The following RASGRF2 variants were observed in gnomAD, a reference collection of about 807,000 sequenced individuals.
The protein encoded by RASGRF2 is ras-specific guanine nucleotide-releasing factor 2.
A neutral mutation model predicts 151.0 loss-of-function variants in RASGRF2; 76 were observed. The observed-to-expected ratio is 0.50, with a 90% CI of 0.42 to 0.61. The LOEUF is 0.61. Ranked by LOEUF, RASGRF2 falls within the 20% of genes least tolerant of loss-of-function variation. The pLI, the probability that RASGRF2 is intolerant of heterozygous loss-of-function variation, is 0.00. For missense variants in RASGRF2, 1,148 were observed against 1,564.6 expected (o/e 0.73, Z 4.49); for synonymous variants, 504 against 566.5 (o/e 0.89, Z 1.57).
chr5:81,103,153 A>G (rs1281848716), intron 12 of RASGRF2, among the ~76,000 whole-genome samples: 3 of 152,174 alleles, frequency 2.0e-5, no homozygotes, highest in African/African-American at 7.2e-5. Flanking sequence ...ACTAGAAACT[A>G]CAGGACCACA....
chr5:81,109,557 T>C (rs886827320), intron 13 of RASGRF2, among the ~76,000 whole-genome samples: 6 of 152,082 alleles, frequency 3.9e-5, no homozygotes, highest in Admixed American at 3.3e-4. Flanking sequence ...TCCCAGCTAC[T>C]CGGGAGGCTG....
At chr5:81,049,311 T>C (rs1180409201) in intron 2 of RASGRF2, among the ~76,000 whole-genome samples, 1 of 152,190 alleles carries the variant, frequency 6.6e-6, no homozygotes, top group African/African-American at 2.4e-5. Context: ...TTTTTCTGTA[T>C]ATTTGCATAT....
chr5:81,098,671 A>G (rs1370343898), intron 12 of RASGRF2, among the ~76,000 whole-genome samples: 1 of 152,106 alleles, frequency 6.6e-6, no homozygotes, highest in Non-Finnish European at 1.5e-5. Context: ...ATACTTAGTG[A>G]TTTTGCTGCT....
In RASGRF2 at chr5:81,102,923, A is replaced by G. The variant is rs149958961; in HGVS notation, c.1756-6073A>G. On this transcript the variant is annotated intron_variant, in intron 12 of 26. Transcript: ENST00000265080. The stretch of plus-strand genomic sequence containing the variant: ...TAAAAATTACAAATCTTGTGAGTAA[A>G]TTATGTATCATGAGTGAGACTCAGC... Among the ~76,000 whole-genome samples the G allele has an allele frequency of 4.6e-4, 70 of 152,184 alleles. 1 individual carries two copies. The highest frequency in any genetic ancestry group is 3.3e-4 in the Admixed American group (5 of 15,274).
chr5:81,099,313 C>T (rs1752631122), intron 12 of RASGRF2, among the ~76,000 whole-genome samples: 1 of 152,184 alleles, frequency 6.6e-6, no homozygotes, highest in Admixed American at 6.5e-5. Context: ...TATTATTCAG[C>T]TGCATTATAT....
intron 17 of RASGRF2, among the ~76,000 whole-genome samples, chr5:81,142,964 C>T (rs1213306036): frequency 6.6e-6 from 1 of 151,884 alleles, no homozygotes; most frequent in African/African-American, 2.4e-5. Flanking sequence ...CAGGATGTGG[C>T]CTCCAGTGCA....
At chr5:81,069,717 C>A (rs1179169230) in intron 3 of RASGRF2, among the ~76,000 whole-genome samples, 3 of 152,116 alleles carry the variant, frequency 2.0e-5, no homozygotes, top group Admixed American at 1.3e-4. Context: ...GTACTGGGGA[C>A]AAAATAGAAA....
chr5:81,075,838 A>G (rs1177677130), intron 5 of RASGRF2, among the ~76,000 whole-genome samples: 1 of 152,228 alleles, frequency 6.6e-6, no homozygotes, highest in Non-Finnish European at 1.5e-5. Context: ...GTCCTCTAGC[A>G]TACAGATAGT....
chr5:81,087,371 G>A (rs568875679), intron 9 of RASGRF2: 1 of 701,774 alleles, frequency 1.4e-6, no homozygotes, highest in African/African-American at 1.7e-5. Context: ...AGTGAAAACA[G>A]CTGTCTGTTG....
At chr5:81,080,521 C>A in intron 6 of RASGRF2, 75 bp from the exon 7 acceptor site, 1 of 1,436,248 alleles carries the variant, frequency 7.0e-7, no homozygotes, top group Non-Finnish European at 9.6e-7. Context: ...GGGACCCACT[C>A]TTTGCCATTC....
intron 17 of RASGRF2, among the ~76,000 whole-genome samples, chr5:81,141,928 T>C (rs761075865): frequency 8.5e-5 from 13 of 152,212 alleles, no homozygotes; most frequent in Non-Finnish European, 1.8e-4. Context: ...TGCAGTGAGA[T>C]ATTGATTACT....
chr5:81,168,303 T>C (rs893421053), intron 17 of RASGRF2, among the ~76,000 whole-genome samples: 1 of 108,044 alleles, frequency 9.3e-6, no homozygotes, highest in East Asian at 2.8e-4. Context: ...TCTTTTTTTT[T>C]CTTCTCTTTT....
intron 18 of RASGRF2, among the ~76,000 whole-genome samples, chr5:81,193,756 G>T (rs1755200723): frequency 6.6e-6 from 1 of 152,156 alleles, no homozygotes; most frequent in African/African-American, 2.4e-5. Context: ...ACCTCAGGTA[G>T]ATTCACCCGC....
chr5:81,113,463 C>G, intron 14 of RASGRF2, 75 bp from the exon 15 acceptor site: 1 of 1,449,376 alleles, frequency 6.9e-7, no homozygotes, highest in Admixed American at 1.9e-5. Context: ...ATGAAGGGAA[C>G]ATGTTCTTGA....
chr5:80,961,229 C>T (rs575459092), intron 1 of RASGRF2, among the ~76,000 whole-genome samples: 2 of 152,352 alleles, frequency 1.3e-5, no homozygotes, highest in South Asian at 4.1e-4. Flanking sequence ...CCCCTCCACC[C>T]CACTGCCAAG....
chr5:81,091,423 C>T (rs1752384941), intron 9 of RASGRF2, among the ~76,000 whole-genome samples: 1 of 152,088 alleles, frequency 6.6e-6, no homozygotes, highest in South Asian at 2.1e-4. Context: ...CCATTGTTCC[C>T]CAATCCCACA....
chr5:81,023,484 A>G (rs951988124), intron 1 of RASGRF2, among the ~76,000 whole-genome samples: 1 of 152,188 alleles, frequency 6.6e-6, no homozygotes, highest in African/African-American at 2.4e-5. Flanking sequence ...CTGAGTTCTT[A>G]TCAGAGTGAG....
intron 17 of RASGRF2, among the ~76,000 whole-genome samples, chr5:81,132,175 A>G (rs1753639766): frequency 2.0e-5 from 3 of 152,152 alleles, no homozygotes; most frequent in African/African-American, 4.8e-5. Context: ...AGAGATTTTT[A>G]TCTATTTTAT....
At chr5:80,977,541 C>T (rs915009735) in intron 1 of RASGRF2, among the ~76,000 whole-genome samples, 1 of 152,062 alleles carries the variant, frequency 6.6e-6, no homozygotes, top group Non-Finnish European at 1.5e-5. Flanking sequence ...CAGCTCACTG[C>T]GACCTCCATC....
Sources: gnomAD v4.1 joint callset for allele counts (sites outside exome capture counted in the v4.1 genomes callset) on GRCh38, gnomAD v4.1.1 for gene constraint, MANE v1.5 for transcripts, NCBI Gene and HGNC (gene_info 2026-07-23, HGNC 2026-07-21) for gene names.